The following SP100 variants were observed in gnomAD, a reference collection of about 807,000 sequenced individuals.
SP100 encodes nuclear autoantigen Sp-100.
A neutral mutation model predicts 130.0 loss-of-function variants in SP100; 84 were observed. The observed-to-expected ratio is 0.65, with a 90% CI of 0.54 to 0.77. The LOEUF is 0.77. Ranked by LOEUF, SP100 falls within the 30% of genes least tolerant of loss-of-function variation. SP100 has a pLI of 0.00. For synonymous variants in SP100, 331 were observed against 351.7 expected (o/e 0.94, Z 0.66); for missense variants, 978 against 1,052.2 (o/e 0.93, Z 0.97).
Position 230,444,488 on chromosome 2 carries a change from C to G in SP100, c.439+142C>G, listed in dbSNP as rs1575615090. 24 of 665,096 alleles carry G rather than the reference C, an allele frequency of 3.6e-5. No individual in the cohort carries two copies. In the East Asian group the frequency reaches 6.5e-4, roughly 18 times the overall value. 41.2% of individuals were successfully genotyped at this position (665,096 alleles called of 1,614,324 possible). The stretch of plus-strand genomic sequence containing the variant: ...ACAAAATAGACATGCCATGAGTCTT[C>G]TCTTAGCTCATGGCGTATGGCTATG... On this transcript the variant is annotated intron_variant, in intron 4 of 28. Transcript: ENST00000340126.
chr2:230,472,222 A>G (rs1015572141), intron 15 of SP100, among the ~76,000 whole-genome samples: 2 of 151,930 alleles, frequency 1.3e-5, no homozygotes, highest in African/African-American at 4.8e-5. Context: ...AGGTCAGGAG[A>G]TCAAGACCAT....
intron 15 of SP100, 92 bp from the exon 16 acceptor site, chr2:230,473,232 T>A: frequency 1.3e-6 from 1 of 762,564 alleles, no homozygotes. Context: ...TTAATTTAGC[T>A]GTGGGGAGTG....
intron 19 of SP100, among the ~76,000 whole-genome samples, chr2:230,502,580 A>T (rs1227584271): frequency 6.6e-6 from 1 of 152,238 alleles, no homozygotes; most frequent in Admixed American, 6.5e-5. Context: ...AGCTCCTGGC[A>T]TACAACAAGC....
At chr2:230,495,165 T>G (rs550373316) in intron 18 of SP100, among the ~76,000 whole-genome samples, 1 of 152,100 alleles carries the variant, frequency 6.6e-6, no homozygotes, top group Non-Finnish European at 1.5e-5. Flanking sequence ...GATTAGGAAA[T>G]GAGGGAACAG....
intron 24 of SP100, among the ~76,000 whole-genome samples, chr2:230,522,739 C>T (rs965542345): frequency 5.3e-5 from 8 of 151,754 alleles, no homozygotes; most frequent in African/African-American, 1.2e-4. Context: ...CTGCCTGCCT[C>T]GGCCTCCCAA....
At chr2:230,462,591 T>G in intron 10 of SP100, 73 bp downstream of exon 10, 3 of 1,085,952 alleles carry the variant, frequency 2.8e-6, no homozygotes, top group Non-Finnish European at 4.3e-6. Flanking sequence ...CTGAGGCATT[T>G]TATTCTGAGC....
intron 24 of SP100, among the ~76,000 whole-genome samples, chr2:230,529,842 G>A (rs1691612790): frequency 1.3e-5 from 2 of 152,096 alleles, no homozygotes; most frequent in Non-Finnish European, 2.9e-5. Context: ...ACTACAAAGA[G>A]AATAAAATAC....
intron 15 of SP100, among the ~76,000 whole-genome samples, chr2:230,471,866 T>C (rs1321848021): frequency 2.0e-5 from 3 of 152,030 alleles, no homozygotes; most frequent in Non-Finnish European, 4.4e-5. Context: ...ATATTCCAGG[T>C]AGGGGAATTT....
intron 17 of SP100, among the ~76,000 whole-genome samples, chr2:230,492,137 T>C (rs1161619683): frequency 6.6e-6 from 1 of 152,168 alleles, no homozygotes; most frequent in African/African-American, 2.4e-5. Flanking sequence ...TCCTCTCCCA[T>C]CCAATTTTAG....
At chr2:230,513,739 T>A (rs1359600404) in intron 24 of SP100, among the ~76,000 whole-genome samples, 1 of 152,258 alleles carries the variant, frequency 6.6e-6, no homozygotes, top group Admixed American at 6.5e-5. Flanking sequence ...TGATAAATCA[T>A]CTCACTGGGA....
chr2:230,504,120 A>T (rs999783396), intron 20 of SP100, 66 bp from the exon 21 acceptor site: 5 of 797,230 alleles, frequency 6.3e-6, no homozygotes, highest in African/African-American at 1.7e-5. Context: ...CTCTCAAGAC[A>T]GGTGGGGAGG....
chr2:230,515,771 T>G (rs1690883937), intron 24 of SP100: 1 of 1,497,322 alleles, frequency 6.7e-7, no homozygotes, highest in African/African-American at 1.4e-5. Context: ...ACACTGTGTT[T>G]TTTTGTATAG....
In SP100 at chr2:230,506,327, G is replaced by A. The variant is rs143640712; in HGVS notation, c.1895G>A (p.Ser632Asn). The change falls in exon 22 of 29, where the codon AGT becomes AAT. Residue 632 changes from serine (S) to asparagine (N), a missense_variant. Transcript: ENST00000340126. ...GGAACCTCAAAGAAGTGTATACAGA[G>A]TGAGGATAAAAAGTGGTTCACTCCC... ...KQGTSKKCIQSEDKKWFTPRE... is the reference protein window; with the variant it reads ...KQGTSKKCIQNEDKKWFTPRE... 1.7e-5 allele frequency: 27 copies of A among 1,613,918 alleles called. No homozygotes were observed. The highest frequency in any genetic ancestry group is 1.9e-5 in the Non-Finnish European group (23 of 1,179,828).
At chr2:230,458,264 T>A (rs1235004251) in intron 8 of SP100, among the ~76,000 whole-genome samples, 1 of 152,204 alleles carries the variant, frequency 6.6e-6, no homozygotes, top group African/African-American at 2.4e-5. Flanking sequence ...ATTCTCACAA[T>A]GAAGTAAGAT....
intron 10 of SP100, among the ~76,000 whole-genome samples, chr2:230,462,910 A>T (rs1406891427): frequency 6.6e-6 from 1 of 152,194 alleles, no homozygotes; most frequent in Non-Finnish European, 1.5e-5. Flanking sequence ...GGAAGATGTT[A>T]TTGTCATCTG....
chr2:230,459,235 A>C (rs114504669), intron 8 of SP100, among the ~76,000 whole-genome samples: 1 of 152,334 alleles, frequency 6.6e-6, no homozygotes, highest in Non-Finnish European at 1.5e-5. Context: ...ATGAATGAAA[A>C]ATTGGTAGAG....
intron 24 of SP100, chr2:230,538,427 C>T (rs550318426): frequency 6.6e-6 from 1 of 152,256 alleles, no homozygotes; most frequent in South Asian, 2.1e-4. Flanking sequence ...AAAGGAAAAA[C>T]AGTTACAAGG....
chr2:230,518,610 T>G (rs1691031769), intron 24 of SP100, among the ~76,000 whole-genome samples: 1 of 151,928 alleles, frequency 6.6e-6, no homozygotes, highest in East Asian at 1.9e-4. Context: ...ATAAATTACA[T>G]TAAAAGTTTA....
At chr2:230,524,195 A>AAG (rs1553645457) in intron 24 of SP100, among the ~76,000 whole-genome samples, 91 of 143,318 alleles carry the variant, frequency 6.3e-4, no homozygotes, top group East Asian at 3.6e-3. Flanking sequence ...AAAAAAAAAA[A>AAG]AAAAAAGAAA....
Sources: gnomAD v4.1 joint callset for allele counts (sites outside exome capture counted in the v4.1 genomes callset) on GRCh38, gnomAD v4.1.1 for gene constraint, MANE v1.5 for transcripts, NCBI Gene and HGNC (gene_info 2026-07-23, HGNC 2026-07-21) for gene names.